Variants in CCDC7 observed in about 807,000 individuals in gnomAD.
The protein encoded by CCDC7 is coiled-coil domain-containing protein 7.
CCDC7 carries 183 observed loss-of-function variants against 196.9 expected under a neutral mutation model. The observed-to-expected ratio is 0.93, with a 90% CI of 0.82 to 1.05. The LOEUF is 1.05. Ranked by LOEUF, CCDC7 falls within the 50% of genes least tolerant of loss-of-function variation. CCDC7 has a pLI of 0.00. For synonymous variants in CCDC7, 525 were observed against 484.6 expected (o/e 1.08, Z -1.10); for missense variants, 1,540 against 1,482.2 (o/e 1.04, Z -0.64).
At chr10:32,544,474 T>C (rs942416572) in intron 13 of CCDC7, 173 bp downstream of exon 14, 3 of 464,802 alleles carry the variant, frequency 6.5e-6, no homozygotes, top group Non-Finnish European at 7.1e-6. Context: ...TCTTTCTTGT[T>C]GATGGACTCT....
chr10:32,614,165 CTTCT>C (rs1564831537), intron 18 of CCDC7, among the ~76,000 whole-genome samples: 1 of 151,154 alleles, frequency 6.6e-6, no homozygotes, highest in African/African-American at 2.4e-5. Context: ...ATGTAATGCC[CTTCT>C]TTGTTTCTTT....
chr10:32,598,939 A>G (rs73255483), intron 18 of CCDC7, among the ~76,000 whole-genome samples: 7,853 of 152,174 alleles, frequency 0.052, 666 homozygotes, highest in African/African-American at 0.18. Flanking sequence ...TTGGGCTATC[A>G]TGTTGTTCAA....
chr10:32,536,671 C>T (rs988999201), intron 11 of CCDC7, among the ~76,000 whole-genome samples: 4 of 152,118 alleles, frequency 2.6e-5, no homozygotes, highest in African/African-American at 9.7e-5. Flanking sequence ...TACCACTCTC[C>T]ACTCTCAAGT....
At chr10:32,462,452 A>G (rs1197114163) in intron 3 of CCDC7, among the ~76,000 whole-genome samples, 5 of 152,100 alleles carry the variant, frequency 3.3e-5, no homozygotes, top group Non-Finnish European at 7.4e-5. Flanking sequence ...TTTTATATAT[A>G]AAAAGAAAAA....
intron 28 of CCDC7, among the ~76,000 whole-genome samples, chr10:32,751,856 G>T (rs561287101): frequency 6.6e-6 from 1 of 152,214 alleles, no homozygotes; most frequent in African/African-American, 2.4e-5. Flanking sequence ...CAGTCGAAAA[G>T]ATATTCTTCA....
chr10:32,725,006 T>A (rs1489637500), intron 25 of CCDC7, among the ~76,000 whole-genome samples: 2 of 152,044 alleles, frequency 1.3e-5, no homozygotes, highest in Non-Finnish European at 2.9e-5. Context: ...GAACCCATAC[T>A]CCTTAGAATA....
rs1220569036 is a variant in CCDC7 at position 32,485,243 on chromosome 10, A to G, written c.797-6679A>G. Among the ~76,000 whole-genome samples the G allele has an allele frequency of 5.9e-5, 9 of 152,216 alleles. No homozygotes were observed. The East Asian group carries it at 1.7e-3, about 29-fold the overall frequency. ...TAGTCTTGGGACGGTGTGTCGAGGA[A>G]TTTATCCATTTCTTCTAGATTTTCT... On this transcript the variant is annotated intron_variant, in intron 8 of 41. Transcript: ENST00000639629.
chr10:32,606,978 C>A (rs1216447540), intron 18 of CCDC7, among the ~76,000 whole-genome samples: 1 of 152,132 alleles, frequency 6.6e-6, no homozygotes, highest in Non-Finnish European at 1.5e-5. Context: ...ACGCAAACAT[C>A]ATGTTGAAAC....
intron 21 of CCDC7, among the ~76,000 whole-genome samples, chr10:32,682,967 T>A (rs2141068549): frequency 6.6e-6 from 1 of 152,330 alleles, no homozygotes. Flanking sequence ...TATTGATAGT[T>A]TCTTTTGCTC....
chr10:32,824,052 G>GT (rs1196805283), intron 31 of CCDC7, among the ~76,000 whole-genome samples: 1 of 151,976 alleles, frequency 6.6e-6, no homozygotes, highest in Non-Finnish European at 1.5e-5. Flanking sequence ...TTTGTGAGTT[G>GT]TGATGACCAT....
At chr10:32,714,699 A>G (rs2081322031) in intron 25 of CCDC7, among the ~76,000 whole-genome samples, 1 of 152,156 alleles carries the variant, frequency 6.6e-6, no homozygotes, top group Non-Finnish European at 1.5e-5. Context: ...GGGATGCTCA[A>G]GCTTGGTGGG....
At chr10:32,665,789 C>T (rs1223923406) in intron 21 of CCDC7, among the ~76,000 whole-genome samples, 1 of 151,920 alleles carries the variant, frequency 6.6e-6, no homozygotes, top group Non-Finnish European at 1.5e-5. Flanking sequence ...AAATTCATAA[C>T]TGATGGGCAT....
At chr10:32,845,317 G>T in exon 34 of CCDC7, 1 of 1,563,740 alleles carries the variant, frequency 6.4e-7, no homozygotes. Context: ...ACAACTAAAG[G>T]GTCACCAAAG....
chr10:32,445,275 G>C (rs2030693313), upstream of CCDC7, among the ~76,000 whole-genome samples: 1 of 152,088 alleles, frequency 6.6e-6, no homozygotes, highest in East Asian at 1.9e-4. Context: ...TGGTGTGATG[G>C]AGCTAGCCTA....
intron 21 of CCDC7, among the ~76,000 whole-genome samples, chr10:32,684,430 G>C (rs952580592): frequency 6.6e-6 from 1 of 152,160 alleles, no homozygotes; most frequent in Non-Finnish European, 1.5e-5. Flanking sequence ...TCATGGCAGA[G>C]GTATGTGTCC....
chr10:32,542,466 C>G (rs972220684), intron 11 of CCDC7, among the ~76,000 whole-genome samples: 1 of 151,906 alleles, frequency 6.6e-6, no homozygotes, highest in Non-Finnish European at 1.5e-5. Context: ...AATCCTGTCT[C>G]TACTAAAAAT....
intron 21 of CCDC7, among the ~76,000 whole-genome samples, chr10:32,679,083 C>T (rs1420864253): frequency 6.6e-6 from 1 of 151,874 alleles, no homozygotes; most frequent in Non-Finnish European, 1.5e-5. Flanking sequence ...TAACTTTGAC[C>T]TAAAGCATGT....
chr10:32,508,629 A>G (rs1055410342), intron 9 of CCDC7, among the ~76,000 whole-genome samples: 1 of 148,388 alleles, frequency 6.7e-6, no homozygotes, highest in African/African-American at 2.5e-5. Flanking sequence ...TTACTTTCTT[A>G]TTTTTTTTTT....
intron 33 of CCDC7, among the ~76,000 whole-genome samples, chr10:32,842,253 A>T (rs1353282239): frequency 6.6e-6 from 1 of 152,056 alleles, no homozygotes; most frequent in Non-Finnish European, 1.5e-5. Context: ...TCAGCAAGAA[A>T]AAAAAAATCC....
Sources: allele counts gnomAD v4.1 joint callset (sites outside exome capture counted in the v4.1 genomes callset), GRCh38; gene constraint gnomAD v4.1.1; transcripts MANE v1.5; gene names NCBI Gene and HGNC (gene_info 2026-07-23, HGNC 2026-07-21).